The following AGMO variants were observed in gnomAD, a reference collection of about 807,000 sequenced individuals.
AGMO encodes glyceryl-ether monooxygenase.
In AGMO, 75 loss-of-function variants were observed where a neutral mutation model predicts 60.2. That is an observed-to-expected ratio of 1.25 (90% CI 1.03 to 1.51). The LOEUF is 1.51. AGMO is among the 40% of genes most tolerant of loss of function. The pLI, the probability that AGMO is intolerant of heterozygous loss-of-function variation, is 0.00. For missense variants in AGMO, 763 were observed against 525.5 expected (o/e 1.45, Z -4.42); for synonymous variants, 261 against 177.1 (o/e 1.47, Z -3.76).
At chr7:15,485,561 T>A (rs1782897114) in intron 3 of AGMO, among the ~76,000 whole-genome samples, 1 of 152,178 alleles carries the variant, frequency 6.6e-6, no homozygotes, top group African/African-American at 2.4e-5. Context: ...CCCTGTTCAA[T>A]GTTAACAAAT....
intron 3 of AGMO, among the ~76,000 whole-genome samples, chr7:15,461,140 T>C (rs772903051): frequency 6.6e-6 from 1 of 152,084 alleles, no homozygotes; most frequent in East Asian, 1.9e-4. Flanking sequence ...GCCTGAGTCA[T>C]GAAACATAAA....
intron 2 of AGMO, among the ~76,000 whole-genome samples, chr7:15,547,510 G>T (rs1389609309): frequency 6.6e-6 from 1 of 152,144 alleles, no homozygotes; most frequent in South Asian, 2.1e-4. Flanking sequence ...CTCGGGAAGC[G>T]CAAGGGGTCA....
At chr7:15,296,230 T>C (rs1190085777) in intron 12 of AGMO, among the ~76,000 whole-genome samples, 2 of 152,180 alleles carry the variant, frequency 1.3e-5, no homozygotes, top group East Asian at 3.8e-4. Context: ...ACTCTTTAGC[T>C]AATGTCAGAG....
rs180989850 is a variant in AGMO, at chr7:15,285,071, G to T, written c.1263+80443C>A. ...CCTCAACAAACTAGCCATAGTAGGG[G>T]CATACCTCAAAATAATAAAAGCCAT... On this transcript the variant is annotated intron_variant, in intron 12 of 12. Coordinates refer to ENST00000342526, the MANE Select transcript of AGMO (RefSeq NM_001004320.2). Among the ~76,000 whole-genome samples, 366 of 151,058 alleles carry T rather than the reference G, an allele frequency of 2.4e-3. 2 individuals are homozygous for T. The highest frequency in any genetic ancestry group is 8.6e-3 in the African/African-American group (353 of 41,268).
At chr7:15,190,069 A>T in the AGMO span, among the ~76,000 whole-genome samples, 2 of 137,274 alleles carry the variant, frequency 1.5e-5, no homozygotes, top group African/African-American at 5.2e-5. Flanking sequence ...AAGATTTTTA[A>T]GTGCCATATA....
At chr7:15,130,923 C>T in the AGMO span, among the ~76,000 whole-genome samples, 1 of 152,124 alleles carries the variant, frequency 6.6e-6, no homozygotes, top group Non-Finnish European at 1.5e-5. Flanking sequence ...AATTAACTTC[C>T]TTTAACATAG....
the AGMO span, among the ~76,000 whole-genome samples, chr7:15,183,788 C>G: frequency 6.6e-6 from 1 of 152,068 alleles, no homozygotes; most frequent in African/African-American, 2.4e-5. Flanking sequence ...AAAATTAAAC[C>G]TTTAAGCATC....
chr7:15,487,713 C>A lies in AGMO; in HGVS notation c.410-56605G>T, dbSNP rs115305966. Among the ~76,000 whole-genome samples the A allele has an allele frequency of 9.7e-3, 1,477 of 152,004 alleles. 26 individuals carry two copies. Among genetic ancestry groups the A allele is most frequent in the African/African-American group, 0.035 (1,443 of 41,462 alleles). On this transcript the variant is annotated intron_variant, in intron 3 of 12. Coordinates refer to ENST00000342526, the MANE Select transcript of AGMO (RefSeq NM_001004320.2). ...CCCATCTTTTGCTTTACAATCAAACCATTTTGCCAAACTGTGTCTGATATT... is the reference window on the plus strand; with the variant it reads ...CCCATCTTTTGCTTTACAATCAAACAATTTTGCCAAACTGTGTCTGATATT...
chr7:15,392,106 G>C (rs1210976615), intron 6 of AGMO, among the ~76,000 whole-genome samples: 1 of 151,730 alleles, frequency 6.6e-6, no homozygotes, highest in Admixed American at 6.6e-5. Context: ...GTCTCACTCT[G>C]TTGTCCAGGC....
At chr7:15,394,254 G>C (rs2128486681) in intron 5 of AGMO, 75 bp from the exon 6 acceptor site, 1 of 1,100,400 alleles carries the variant, frequency 9.1e-7, no homozygotes, top group East Asian at 2.4e-5. Flanking sequence ...GCTCACATTA[G>C]AAACTCACAT....
At chr7:15,376,722 A>G (rs1473605975) in intron 10 of AGMO, among the ~76,000 whole-genome samples, 2 of 152,096 alleles carry the variant, frequency 1.3e-5, no homozygotes, top group East Asian at 1.9e-4. Context: ...CATATTATAC[A>G]TATTTTTATT....
intron 12 of AGMO, among the ~76,000 whole-genome samples, chr7:15,290,301 ACAGGTGTGAGC>A (rs1490924979): frequency 1.3e-5 from 2 of 152,152 alleles, no homozygotes; most frequent in Non-Finnish European, 2.9e-5. Context: ...TGTTGGGATT[ACAGGTGTGAGC>A]CACTGCGCCT....
chr7:15,319,705 A>G (rs977437655), intron 12 of AGMO, among the ~76,000 whole-genome samples: 1 of 152,104 alleles, frequency 6.6e-6, no homozygotes, highest in African/African-American at 2.4e-5. Context: ...ACACACACGG[A>G]AAGATTCCAT....
chr7:15,496,698 T>C (rs941989513), intron 3 of AGMO, among the ~76,000 whole-genome samples: 1 of 152,196 alleles, frequency 6.6e-6, no homozygotes, highest in Non-Finnish European at 1.5e-5. Context: ...TGTAATTTTG[T>C]CAACTTTTCT....
intron 3 of AGMO, among the ~76,000 whole-genome samples, chr7:15,529,597 C>G (rs1784227674): frequency 2.0e-5 from 1 of 48,928 alleles, no homozygotes. Context: ...TATATAAACT[C>G]TATATATAGA....
At chr7:15,534,166 C>G (rs1463857441) in intron 3 of AGMO, among the ~76,000 whole-genome samples, 1 of 151,592 alleles carries the variant, frequency 6.6e-6, no homozygotes, top group East Asian at 1.9e-4. Flanking sequence ...CAAGTCATTT[C>G]CTAGGTTCTC....
At chr7:15,236,660 T>C (rs1196899391) in intron 12 of AGMO, among the ~76,000 whole-genome samples, 2 of 152,092 alleles carry the variant, frequency 1.3e-5, no homozygotes, top group Non-Finnish European at 2.9e-5. Context: ...AACTGAAAGA[T>C]GAGTAAGATA....
In AGMO at chr7:15,473,963, A is replaced by G. The variant is rs372044150; in HGVS notation, c.410-42855T>C. Among the ~76,000 whole-genome samples, 9 of 152,252 alleles carry G rather than the reference A, an allele frequency of 5.9e-5. No homozygotes were observed. In the East Asian group the frequency reaches 9.7e-4, roughly 16 times the overall value. ...GCTTCCATTCACAATTGTTACAAAG[A>G]GAAGAAAATACCTAGGAATACAATC... is the stretch of plus-strand genomic sequence containing the variant. On this transcript the variant is annotated intron_variant, in intron 3 of 12. Coordinates refer to ENST00000342526, the MANE Select transcript of AGMO (RefSeq NM_001004320.2).
intron 4 of AGMO, among the ~76,000 whole-genome samples, chr7:15,421,107 G>A (rs1021082592): frequency 6.6e-6 from 1 of 152,106 alleles, no homozygotes; most frequent in South Asian, 2.1e-4. Flanking sequence ...TGGCATTTAG[G>A]GGAAGCTAAA....
Sources: gnomAD v4.1 joint callset for allele counts (sites outside exome capture counted in the v4.1 genomes callset) on GRCh38, gnomAD v4.1.1 for gene constraint, MANE v1.5 for transcripts, NCBI Gene and HGNC (gene_info 2026-07-23, HGNC 2026-07-21) for gene names.